Variants in IFFO1 observed in about 807,000 individuals in gnomAD.
IFFO1 encodes non-homologous end joining factor IFFO1.
A neutral mutation model predicts 59.6 loss-of-function variants in IFFO1; 42 were observed. That is an observed-to-expected ratio of 0.70 (90% CI 0.55 to 0.91). The LOEUF (loss-of-function observed/expected upper bound fraction) is 0.91. Ranked by LOEUF, IFFO1 falls within the 40% of genes least tolerant of loss-of-function variation. IFFO1 has a pLI of 0.00. For synonymous variants in IFFO1, 336 were observed against 342.8 expected, an observed-to-expected ratio of 0.98 and a Z score of 0.22; for missense variants, 711 against 793.2, an observed-to-expected ratio of 0.90 and a Z score of 1.24.
chr12:6,548,234 A>G lies in IFFO1; in HGVS notation c.1384-74T>C, dbSNP rs560997266. 46 of 1,385,340 alleles carry G rather than the reference A, an allele frequency of 3.3e-5. No homozygotes were observed. In the African/African-American group the frequency reaches 6.3e-4, roughly 19 times the overall value. 85.8% of individuals were successfully genotyped at this position (1,385,340 alleles called of 1,614,324 possible). On this transcript the variant is annotated intron_variant, in intron 7 of 9. Transcript: ENST00000619571. The surrounding 1 kb of genome is among the most constrained non-coding windows in gnomAD (Gnocchi z 6.1). ...GGGACGCATTCCAAAGGGCCAAGTC[A>G]GGGAGAGAGAGAGAGAGGAAGTCTG...
In IFFO1 at chr12:6,541,681, G is replaced by A; in HGVS notation, c.1480-39C>T. 1.9e-6 allele frequency: 3 copies of A among 1,611,770 alleles called. No individual in the cohort carries two copies. The highest frequency in any genetic ancestry group is 1.1e-5 in the South Asian group (1 of 91,054). On this transcript the variant is annotated intron_variant, in intron 8 of 9. Coordinates refer to ENST00000619571, the MANE Select transcript of IFFO1 (RefSeq NM_001193457.2). The surrounding 1 kb of genome is among the most constrained non-coding windows in gnomAD (Gnocchi z 4.8). The stretch of plus-strand genomic sequence containing the variant: ...GGCAGGGCCATCGGGGTTAACAGGT[G>A]GCGTTCACAGCGCCTCTGTTGCCCC...
At position 6,541,490 on chromosome 12, in the gene IFFO1, C is replaced by T; in HGVS notation, c.1610+22G>A. On this transcript the variant is annotated intron_variant, in intron 9 of 9. Transcript: ENST00000619571. The surrounding 1 kb of genome is among the most constrained non-coding windows in gnomAD (Gnocchi z 4.8). Reference sequence around the variant, plus strand: ...CCCGCTGTGTCCCCCTGGAAGGCCCCATGCCCAGGGGAGGCGCCTACCGGT... The same window carrying T: ...CCCGCTGTGTCCCCCTGGAAGGCCCTATGCCCAGGGGAGGCGCCTACCGGT... The T allele has an allele frequency of 1.2e-6, 2 of 1,612,190 alleles. No individual in the cohort carries two copies. The highest frequency in any genetic ancestry group is 1.7e-6 in the Non-Finnish European group (2 of 1,179,892).
Position 6,555,383 on chromosome 12 carries a change from C to T in IFFO1, c.647G>A (p.Gly216Glu). 6.2e-7 allele frequency: 1 copy of T among 1,614,208 alleles called. No homozygotes were observed. Among genetic ancestry groups the T allele is most frequent in the Non-Finnish European group, 8.5e-7 (1 of 1,180,010 alleles). Residue 216 changes from glycine (G) to glutamate (E), a missense_variant, in exon 1 of 10, where the codon GGG (glycine) becomes GAG (glutamate). Gly to Glu is a moderately conservative substitution (Grantham distance 98). This residue lies in a region of IFFO1 where 579 missense variants were observed against 650.3 expected (regional missense o/e 0.89). Coordinates refer to ENST00000619571, the MANE Select transcript of IFFO1 (RefSeq NM_001193457.2). The surrounding 1 kb of genome is among the most constrained non-coding windows in gnomAD (Gnocchi z 8.6). ...GPGLEPTLVQGPGLSWVHPDG... is the reference protein window; with the variant it reads ...GPGLEPTLVQEPGLSWVHPDG... The stretch of plus-strand genomic sequence containing the variant: ...CGGGTGCACCCACGACAAGCCAGGC[C>T]CTTGCACCAGAGTGGGCTCCAGTCC...
At position 6,548,889 on chromosome 12, in the gene IFFO1, G is replaced by C; in HGVS notation, c.1081-40C>G. ...CCGGGTGCATGAGGAGAAAGGGCGG[G>C]AGCGGGAGGCCGGGCAGAGAGGGTG... On this transcript the variant is annotated intron_variant, in intron 5 of 9. Coordinates refer to ENST00000619571, the MANE Select transcript of IFFO1 (RefSeq NM_001193457.2). This position sits in a 1 kb window ranked among gnomAD's most constrained non-coding sequence, Gnocchi z 6.1. The C allele has an allele frequency of 6.4e-7, 1 of 1,556,092 alleles. No homozygotes were observed. The highest frequency in any genetic ancestry group is 1.4e-5 in the African/African-American group (1 of 73,702).
At position 6,540,099 on chromosome 12, in the gene IFFO1, G is replaced by A; in HGVS notation, c.*384C>T. 3.2e-6 allele frequency: 1 copy of A among 314,664 alleles called. No homozygotes were observed. Among genetic ancestry groups the A allele is most frequent in the South Asian group, 3.0e-5 (1 of 33,380 alleles). The allele number at this position is 314,664 out of a possible 1,614,324, so 19.5% of individuals were successfully genotyped here. A position where few individuals can be genotyped will look rare whatever the true frequency, so the allele number is the denominator to read the frequency against. ...GCCTGGGCCAGTTAGCACCAGTGTG[G>A]AAGACAGTGAGCTGGCTCCGGACAA... On this transcript the variant is annotated 3_prime_UTR_variant, in exon 10 of 10. Coordinates refer to ENST00000619571, the MANE Select transcript of IFFO1 (RefSeq NM_001193457.2).
Position 6,540,390 on chromosome 12 carries a change from G to T in IFFO1, c.*93C>A. 1 of 1,043,060 alleles carries T rather than the reference G, an allele frequency of 9.6e-7. No homozygotes were observed. The highest frequency in any genetic ancestry group is 1.5e-6 in the Non-Finnish European group (1 of 665,114). The allele number at this position is 1,043,060 out of a possible 1,614,324, so 64.6% of individuals were successfully genotyped here. ...TCCCCAGGGACCGGCCTGGTGCAGA[G>T]CTGCAGCTGATGTTCCCCTCTGTGC... On this transcript the variant is annotated 3_prime_UTR_variant, in exon 10 of 10. Coordinates refer to ENST00000619571, the MANE Select transcript of IFFO1 (RefSeq NM_001193457.2).
At chr12:6,550,187 G>A in intron 3 of IFFO1, 2 of 403,278 alleles carry the variant, frequency 5.0e-6, no homozygotes, top group Non-Finnish European at 9.0e-6. Context: ...ACGACTAGCG[G>A]TCCTCATCCT....
At chr12:6,547,023 T>A (rs1383311571) in intron 8 of IFFO1, among the ~76,000 whole-genome samples, 3 of 152,216 alleles carry the variant, frequency 2.0e-5, no homozygotes, top group African/African-American at 7.2e-5. Flanking sequence ...ACACTCGCTA[T>A]GAGCCAGACA....
intron 3 of IFFO1, 124 bp from the exon 4 acceptor site, chr12:6,550,020 C>T (rs1000561343): frequency 9.9e-7 from 1 of 1,014,766 alleles, no homozygotes; most frequent in African/African-American, 1.6e-5. Context: ...TGGAGTCTCC[C>T]TGAGCTGACT....
At chr12:6,551,523 T>A in intron 1 of IFFO1, 9 of 1,264,050 alleles carry the variant, frequency 7.1e-6, no homozygotes, top group Non-Finnish European at 9.3e-6. Context: ...ACATAGTGTA[T>A]CAACAGAGTG....
In IFFO1 at chr12:6,548,857, G is replaced by GACT; in HGVS notation, c.1081-9_1081-8insAGT. 1 of 1,600,850 alleles carries GACT rather than the reference G, an allele frequency of 6.2e-7. No homozygotes were observed. The highest frequency in any genetic ancestry group is 8.5e-7 in the Non-Finnish European group (1 of 1,171,872). ...GGGAGACAAGTGCAGAGACTACAGAGACGAGGCCGGGTGCATGAGGAGAAA... is the reference window on the plus strand; with the variant it reads ...GGGAGACAAGTGCAGAGACTACAGAGACTACGAGGCCGGGTGCATGAGGAGAAA... On this transcript the variant is annotated splice_polypyrimidine_tract_variant and intron_variant, in intron 5 of 9. Coordinates refer to ENST00000619571, the MANE Select transcript of IFFO1 (RefSeq NM_001193457.2). This position sits in a 1 kb window ranked among gnomAD's most constrained non-coding sequence, Gnocchi z 6.1.
intron 8 of IFFO1, among the ~76,000 whole-genome samples, chr12:6,546,237 A>T (rs1399435633): frequency 1.3e-5 from 2 of 152,240 alleles, no homozygotes; most frequent in Non-Finnish European, 2.9e-5. Context: ...GGTCAGTGCT[A>T]TCTTTGGTTT....
At position 6,549,389 on chromosome 12, in the gene IFFO1, A is replaced by C. The variant is rs1320592004; in HGVS notation, c.1080+87T>G. On this transcript the variant is annotated intron_variant, in intron 5 of 9. Coordinates refer to ENST00000619571, the MANE Select transcript of IFFO1 (RefSeq NM_001193457.2). The surrounding 1 kb of genome is among the most constrained non-coding windows in gnomAD (Gnocchi z 5.0). Reference sequence around the variant, plus strand: ...GAAAAAAATCCGTGCTCAAGAGCCCAGCGGGCCCAAACTGAGGGCCAGGAG... The same window carrying C: ...GAAAAAAATCCGTGCTCAAGAGCCCCGCGGGCCCAAACTGAGGGCCAGGAG... 1.2e-5 allele frequency: 17 copies of C among 1,412,898 alleles called. No homozygotes were observed. The Admixed American group carries it at 3.0e-4, about 25-fold the overall frequency. The allele number at this position is 1,412,898 out of a possible 1,614,324, so 87.5% of individuals were successfully genotyped here.
At chr12:6,543,176 T>C (rs1946796193) in intron 8 of IFFO1, among the ~76,000 whole-genome samples, 1 of 152,262 alleles carries the variant, frequency 6.6e-6, no homozygotes, top group East Asian at 1.9e-4. Flanking sequence ...TGCTCCATCT[T>C]AGTGACCCTG....
intron 8 of IFFO1, among the ~76,000 whole-genome samples, chr12:6,545,763 T>C (rs2136109443): frequency 6.6e-6 from 1 of 151,510 alleles, no homozygotes; most frequent in South Asian, 2.1e-4. Context: ...GTCCCAAGGA[T>C]CCACACTGTC....
Position 6,550,693 on chromosome 12 carries a change from A to C in IFFO1, c.930+2T>G. ...CCTCGGGAAGCCTGGGGCTGCACTC[A>C]CGTTACTCATGAGCCCCTTGAAGAC... On this transcript the variant is annotated splice_donor_variant, in intron 3 of 9. Coordinates refer to ENST00000619571, the MANE Select transcript of IFFO1 (RefSeq NM_001193457.2). LOFTEE classifies it high-confidence loss of function. The C allele has an allele frequency of 6.2e-7, 1 of 1,612,730 alleles. No homozygotes were observed. The highest frequency in any genetic ancestry group is 2.2e-5 in the East Asian group (1 of 44,864).
At chr12:6,554,499 T>G (rs1947356601) in intron 1 of IFFO1, among the ~76,000 whole-genome samples, 1 of 152,192 alleles carries the variant, frequency 6.6e-6, no homozygotes, top group Admixed American at 6.5e-5. Context: ...AGCCAAATCT[T>G]CATCCACAGA....
chr12:6,545,569 G>A (rs937777169), intron 8 of IFFO1, among the ~76,000 whole-genome samples: 5 of 151,962 alleles, frequency 3.3e-5, no homozygotes, highest in African/African-American at 9.7e-5. Context: ...GTGATGGCGG[G>A]CGCCTGTAGT....
At chr12:6,547,431 G>T (rs1395130888) in intron 8 of IFFO1, among the ~76,000 whole-genome samples, 3 of 152,054 alleles carry the variant, frequency 2.0e-5, no homozygotes, top group Non-Finnish European at 4.4e-5. Flanking sequence ...AGAAACAGGT[G>T]TAGGGCTGGA....
Sources: allele counts gnomAD v4.1 joint callset (sites outside exome capture counted in the v4.1 genomes callset), GRCh38; gene constraint gnomAD v4.1.1; regional missense constraint gnomAD v4.1.1; non-coding constraint Gnocchi (gnomAD v3.1); transcripts MANE v1.5; gene names NCBI Gene and HGNC (gene_info 2026-07-23, HGNC 2026-07-21).